FSTL5: variants seen among roughly 807,000 people sequenced by gnomAD.
The protein encoded by FSTL5 is follistatin-related protein 5.
In FSTL5, 62 loss-of-function variants were observed where a neutral mutation model predicts 89.1. The observed-to-expected ratio is 0.70, with a 90% CI of 0.57 to 0.86. The LOEUF (loss-of-function observed/expected upper bound fraction) is 0.86, where lower values mean the gene tolerates loss of function less well. Ranked by LOEUF, FSTL5 falls within the 40% of genes least tolerant of loss-of-function variation. The pLI is 0.00. For missense variants in FSTL5, 1,057 were observed against 1,001.6 expected (o/e 1.06, Z -0.75); for synonymous variants, 383 against 346.2 (o/e 1.11, Z -1.18).
At chr4:161,718,289 T>G (rs1344400858) in intron 6 of FSTL5, among the ~76,000 whole-genome samples, 1 of 152,220 alleles carries the variant, frequency 6.6e-6, no homozygotes, top group Admixed American at 6.5e-5. Flanking sequence ...GAATTAATTT[T>G]GCTTAATGAT....
At chr4:161,928,809 G>A (rs1286212449) in intron 3 of FSTL5, among the ~76,000 whole-genome samples, 3 of 151,704 alleles carry the variant, frequency 2.0e-5, no homozygotes, top group Non-Finnish European at 4.4e-5. Context: ...GTTATCGGAT[G>A]TGTCTTTGCA....
intron 6 of FSTL5, among the ~76,000 whole-genome samples, chr4:161,676,324 A>G (rs767026874): frequency 8.6e-5 from 13 of 152,046 alleles, no homozygotes; most frequent in Admixed American, 3.9e-4. Flanking sequence ...TATGCAGTCA[A>G]AAAAAAGGAT....
At chr4:161,811,004 T>G (rs1560858985) in intron 4 of FSTL5, among the ~76,000 whole-genome samples, 1 of 152,176 alleles carries the variant, frequency 6.6e-6, no homozygotes, top group Admixed American at 6.5e-5. Flanking sequence ...CCTCCTTTAA[T>G]CTTCCCAAAA....
chr4:161,659,362 T>A (rs1044558463), intron 6 of FSTL5, among the ~76,000 whole-genome samples: 1 of 152,158 alleles, frequency 6.6e-6, no homozygotes, highest in Admixed American at 6.5e-5. Flanking sequence ...ACTGGTTACA[T>A]CTCAAAATCA....
intron 11 of FSTL5, among the ~76,000 whole-genome samples, chr4:161,506,324 C>CA (rs967496534): frequency 3.5e-4 from 48 of 136,894 alleles, no homozygotes; most frequent in African/African-American, 1.2e-3. Flanking sequence ...CCTCCCTCTT[C>CA]GGCCCCCCAA....
At chr4:161,510,512 T>C in intron 10 of FSTL5, 88 bp from the exon 11 acceptor site, 1 of 733,234 alleles carries the variant, frequency 1.4e-6, no homozygotes, top group East Asian at 2.9e-5. Context: ...ATTAAAGATG[T>C]CAAATATCTA....
At chr4:161,907,507 T>G (rs140155155) in intron 4 of FSTL5, among the ~76,000 whole-genome samples, 1 of 152,154 alleles carries the variant, frequency 6.6e-6, no homozygotes, top group Non-Finnish European at 1.5e-5. Flanking sequence ...CAGACAGATA[T>G]AATGCAAATG....
intron 4 of FSTL5, among the ~76,000 whole-genome samples, chr4:161,821,866 A>C (rs564424887): frequency 1.3e-5 from 2 of 152,254 alleles, no homozygotes; most frequent in South Asian, 4.1e-4. Context: ...ATATTTTTGC[A>C]ATTGCAAATT....
intron 7 of FSTL5, among the ~76,000 whole-genome samples, chr4:161,601,260 C>T (rs771654703): frequency 2.5e-4 from 28 of 109,980 alleles, no homozygotes; most frequent in Admixed American, 8.6e-4. Context: ...AGAAACCAAA[C>T]AAAACAAAAC....
intron 10 of FSTL5, among the ~76,000 whole-genome samples, chr4:161,520,596 T>C (rs1052811511): frequency 2.6e-5 from 4 of 152,146 alleles, no homozygotes; most frequent in Admixed American, 6.5e-5. Flanking sequence ...ATATATCCTA[T>C]ACTCTACCAT....
chr4:162,009,281 T>C (rs1736695445), intron 3 of FSTL5, among the ~76,000 whole-genome samples: 1 of 152,098 alleles, frequency 6.6e-6, no homozygotes, highest in Admixed American at 6.6e-5. Flanking sequence ...TAATTTGCAC[T>C]TCATTGTAAT....
intron 1 of FSTL5, among the ~76,000 whole-genome samples, chr4:162,149,407 C>G (rs1387343892): frequency 6.6e-6 from 1 of 151,744 alleles, no homozygotes; most frequent in Admixed American, 6.6e-5. Flanking sequence ...TGTGGTGGCT[C>G]ACAAGCCCAG....
intron 6 of FSTL5, among the ~76,000 whole-genome samples, chr4:161,747,374 GAA>G: frequency 6.6e-6 from 1 of 152,056 alleles, no homozygotes; most frequent in East Asian, 1.9e-4. Context: ...TTTTTTATTT[GAA>G]AAGTTTCCTT....
At chr4:161,556,140 C>T (rs115946314) in intron 8 of FSTL5, among the ~76,000 whole-genome samples, 267 of 151,606 alleles carry the variant, frequency 1.8e-3, no homozygotes, top group Non-Finnish European at 2.8e-3. Flanking sequence ...AGATCAAACA[C>T]CTTCTCAGCT....
intron 5 of FSTL5, among the ~76,000 whole-genome samples, chr4:161,769,987 T>C (rs112558723): frequency 2.0e-5 from 3 of 151,752 alleles, no homozygotes; most frequent in African/African-American, 7.2e-5. Context: ...GATGAATGGA[T>C]AAAGAAAATG....
intron 1 of FSTL5, among the ~76,000 whole-genome samples, chr4:162,150,698 T>C (rs1733193160): frequency 6.6e-6 from 1 of 152,162 alleles, no homozygotes; most frequent in Admixed American, 6.5e-5. Flanking sequence ...ATCTCAACCA[T>C]TGCTAGTCTG....
chr4:161,758,331 G>GA (rs137909117), intron 6 of FSTL5, among the ~76,000 whole-genome samples: 170 of 149,160 alleles, frequency 1.1e-3, no homozygotes, highest in African/African-American at 2.9e-3. Flanking sequence ...TATCTTTTCT[G>GA]AAAAAAAAAT....
At chr4:161,687,843 C>A (rs145102879) in intron 6 of FSTL5, among the ~76,000 whole-genome samples, 11 of 152,290 alleles carry the variant, frequency 7.2e-5, no homozygotes, top group Admixed American at 3.9e-4. Context: ...ACCTATTTCA[C>A]AATGCAACAG....
chr4:161,950,172 T>C (rs903430537), intron 3 of FSTL5, among the ~76,000 whole-genome samples: 1 of 152,196 alleles, frequency 6.6e-6, no homozygotes, highest in African/African-American at 2.4e-5. Flanking sequence ...AGGCACATTC[T>C]CTTCAGCAGG....
Sources: allele counts gnomAD v4.1 joint callset (sites outside exome capture counted in the v4.1 genomes callset), GRCh38; gene constraint gnomAD v4.1.1; transcripts MANE v1.5; gene names NCBI Gene and HGNC (gene_info 2026-07-23, HGNC 2026-07-21).